NAALADL2: variants seen among roughly 807,000 people sequenced by gnomAD.
The protein encoded by NAALADL2 is inactive N-acetylated-alpha-linked acidic dipeptidase-like protein 2.
NAALADL2 carries 76 observed loss-of-function variants against 87.2 expected under a neutral mutation model. That is an observed-to-expected ratio of 0.87 (90% CI 0.72 to 1.05). The LOEUF (loss-of-function observed/expected upper bound fraction) is 1.05. NAALADL2 is among the 50% of genes least tolerant of loss of function. The pLI is 0.00. For synonymous variants in NAALADL2, 354 were observed against 331.0 expected (o/e 1.07, Z -0.75); for missense variants, 1,089 against 945.8 (o/e 1.15, Z -1.99).
intron 2 of NAALADL2, among the ~76,000 whole-genome samples, chr3:175,171,581 A>G (rs1734817818): frequency 1.3e-5 from 2 of 152,144 alleles, no homozygotes. Context: ...AGAAACATGT[A>G]TTGAAACTCC....
intron 3 of NAALADL2, among the ~76,000 whole-genome samples, chr3:174,825,113 G>T (rs1001270815): frequency 6.6e-6 from 1 of 152,126 alleles, no homozygotes; most frequent in African/African-American, 2.4e-5. Flanking sequence ...AATAGAACCA[G>T]TAGGATATGT....
chr3:175,661,109 T>C (rs79538782), intron 11 of NAALADL2, among the ~76,000 whole-genome samples: 6,317 of 152,106 alleles, frequency 0.042, 450 homozygotes, highest in African/African-American at 0.15. Context: ...TACATCCCTA[T>C]CAATGGTGTA....
intron 3 of NAALADL2, among the ~76,000 whole-genome samples, chr3:174,843,879 A>G (rs1202897535): frequency 1.3e-5 from 2 of 151,936 alleles, no homozygotes; most frequent in Non-Finnish European, 2.9e-5. Context: ...AAATTGGGTT[A>G]TTTTGTTTTT....
Position 175,364,923 on chromosome 3 carries a change from AT to A in NAALADL2, c.1090+40600del, listed in dbSNP as rs1765395204. Among the ~76,000 whole-genome samples the A allele has an allele frequency of 2.0e-5, 3 of 147,836 alleles. 1 individual carries two copies. The highest frequency in any genetic ancestry group is 2.4e-5 in the African/African-American group (1 of 40,852). On this transcript the variant is annotated intron_variant, in intron 5 of 13. Transcript: ENST00000454872. ...TTTTTGACAAATATGTTTTACTTAT[AT>A]TCTCTATGACTATCTAGTAACTTGG... is the stretch of plus-strand genomic sequence containing the variant.
At chr3:175,193,715 G>A (rs1738554588) in intron 2 of NAALADL2, among the ~76,000 whole-genome samples, 1 of 151,882 alleles carries the variant, frequency 6.6e-6, no homozygotes, top group Non-Finnish European at 1.5e-5. Context: ...TCACTGCTTT[G>A]TTTAGAGGAG....
chr3:175,080,579 A>G (rs1717605133), intron 1 of NAALADL2, among the ~76,000 whole-genome samples: 1 of 152,210 alleles, frequency 6.6e-6, no homozygotes, highest in Non-Finnish European at 1.5e-5. Flanking sequence ...TATGAGTTTT[A>G]TATACAAAGC....
chr3:175,730,480 G>T (rs1450573560), intron 11 of NAALADL2, among the ~76,000 whole-genome samples: 1 of 138,820 alleles, frequency 7.2e-6, no homozygotes, highest in Non-Finnish European at 1.6e-5. Flanking sequence ...GTGTGTGTGT[G>T]CGTACACTTT....
intron 11 of NAALADL2, among the ~76,000 whole-genome samples, chr3:175,709,194 C>T (rs1181556287): frequency 6.6e-6 from 1 of 152,144 alleles, no homozygotes; most frequent in Admixed American, 6.6e-5. Context: ...AATTATATTG[C>T]ACTCATCAAA....
chr3:175,695,764 C>T (rs1195637455), intron 11 of NAALADL2, among the ~76,000 whole-genome samples: 1 of 152,200 alleles, frequency 6.6e-6, no homozygotes, highest in East Asian at 1.9e-4. Flanking sequence ...AGAATATCCT[C>T]TGAGGAATAA....
In NAALADL2 at chr3:174,900,096, TGAG is replaced by T. The variant is rs370794358; in HGVS notation, c.43+40650_43+40652del. Reference sequence around the variant, plus strand: ...AAGAAAGAACTAAGGGAAAAGATATTGAGGAGAGAACCAGTTCTACGAGATATT... The same window carrying T: ...AAGAAAGAACTAAGGGAAAAGATATTGAGAGAACCAGTTCTACGAGATATT... On this transcript the variant is annotated intron_variant, in intron 1 of 13. Coordinates refer to ENST00000454872, the MANE Select transcript of NAALADL2 (RefSeq NM_207015.3). Among the ~76,000 whole-genome samples the T allele has an allele frequency of 3.5e-3, 535 of 152,116 alleles. 3 individuals are homozygous for T. Among genetic ancestry groups the T allele is most frequent in the Non-Finnish European group, 5.8e-3 (395 of 67,966 alleles).
At chr3:175,179,668 TAG>T (rs1400723130) in intron 2 of NAALADL2, among the ~76,000 whole-genome samples, 1 of 152,034 alleles carries the variant, frequency 6.6e-6, no homozygotes, top group African/African-American at 2.4e-5. Flanking sequence ...GGGTTACTTC[TAG>T]AGAGACTTGA....
Position 175,217,461 on chromosome 3 carries a change from A to G in NAALADL2, c.546-16470A>G, listed in dbSNP as rs552574594. Among the ~76,000 whole-genome samples, 3 of 152,336 alleles carry G rather than the reference A, an allele frequency of 2.0e-5. No individual in the cohort carries two copies. The East Asian group carries it at 5.8e-4, about 29-fold the overall frequency. On this transcript the variant is annotated intron_variant, in intron 2 of 13. Coordinates refer to ENST00000454872, the MANE Select transcript of NAALADL2 (RefSeq NM_207015.3). ...ACATGTACCAAAAATTAGTTCCAGC[A>G]TTCCCAAACAGCATGATTTAGTTTG...
chr3:175,669,213 T>C (rs1482481920), intron 11 of NAALADL2, among the ~76,000 whole-genome samples: 1 of 152,260 alleles, frequency 6.6e-6, no homozygotes, highest in East Asian at 1.9e-4. Flanking sequence ...GATTCATTAA[T>C]ACATATGATT....
chr3:175,084,408 C>T (rs1268067719), intron 1 of NAALADL2, among the ~76,000 whole-genome samples: 4 of 152,122 alleles, frequency 2.6e-5, no homozygotes, highest in African/African-American at 9.7e-5. Flanking sequence ...GGGTGTCTAG[C>T]TCTGCTGCTT....
chr3:175,074,988 G>C (rs1190346950), intron 1 of NAALADL2, among the ~76,000 whole-genome samples: 1 of 152,082 alleles, frequency 6.6e-6, no homozygotes, highest in African/African-American at 2.4e-5. Flanking sequence ...ATAGGTGTTA[G>C]AGAGATACGT....
intron 9 of NAALADL2, among the ~76,000 whole-genome samples, chr3:175,555,194 T>C (rs538128432): frequency 6.6e-6 from 1 of 152,206 alleles, no homozygotes; most frequent in Non-Finnish European, 1.5e-5. Context: ...TACAGTACTG[T>C]TTGGCTCCAT....
At chr3:175,489,277 C>G (rs1288795092) in intron 9 of NAALADL2, among the ~76,000 whole-genome samples, 2 of 151,978 alleles carry the variant, frequency 1.3e-5, no homozygotes, top group Admixed American at 1.3e-4. Flanking sequence ...GTTAGGGAAG[C>G]ATAATGAAAA....
intron 3 of NAALADL2, among the ~76,000 whole-genome samples, chr3:174,843,555 C>T (rs1353879431): frequency 6.6e-6 from 1 of 152,064 alleles, no homozygotes; most frequent in Admixed American, 6.6e-5. Context: ...GATATATGCC[C>T]AGTAATGAGA....
intron 10 of NAALADL2, among the ~76,000 whole-genome samples, chr3:175,581,654 T>C (rs1719802108): frequency 6.6e-6 from 1 of 152,226 alleles, no homozygotes; most frequent in African/African-American, 2.4e-5. Context: ...ATGTGGAATC[T>C]TAATCCATCT....
Sources: allele counts gnomAD v4.1 joint callset (sites outside exome capture counted in the v4.1 genomes callset), GRCh38; gene constraint gnomAD v4.1.1; transcripts MANE v1.5; gene names NCBI Gene and HGNC (gene_info 2026-07-23, HGNC 2026-07-21).